The following DPYSL2 variants were observed in gnomAD, a reference collection of about 807,000 sequenced individuals.
DPYSL2 encodes the protein dihydropyrimidinase like 2, also known as dihydropyrimidinase-related protein 2.
A neutral mutation model predicts 69.9 loss-of-function variants in DPYSL2; 13 were observed. The ratio of observed to expected loss-of-function variants is 0.19; its 90% CI spans 0.12 to 0.30. DPYSL2 has a LOEUF of 0.30. Among genes scored for constraint, DPYSL2 ranks in the 10% least tolerant of loss-of-function variants. The probability of loss-of-function intolerance (pLI) is 1.00; values close to 1 mark genes in which losing one functional copy is unlikely to be tolerated. For missense variants in DPYSL2, 587 were observed against 918.9 expected, an observed-to-expected ratio of 0.64 and a Z score of 4.67; for synonymous variants, 326 against 359.1, an observed-to-expected ratio of 0.91 and a Z score of 1.04.
Position 26,514,795 on chromosome 8 carries a change from T to G in DPYSL2, c.354+116T>G. The G allele has an allele frequency of 1.1e-6, 1 of 941,256 alleles. No individual in the cohort carries two copies. Among genetic ancestry groups the G allele is most frequent in the Non-Finnish European group, 1.5e-6 (1 of 686,760 alleles). The allele number at this position is 941,256 out of a possible 1,614,324, so 58.3% of individuals were successfully genotyped here. ...CCCGCCCTGGACCTCGCCTCCCGCA[T>G]CTGCACGCGCACCCCGCCCTACCCG... On this transcript the variant is annotated intron_variant, in intron 1 of 13. Transcript: ENST00000521913. This position sits in a 1 kb window ranked among gnomAD's most constrained non-coding sequence, Gnocchi z 8.4.
intron 1 of DPYSL2, among the ~76,000 whole-genome samples, chr8:26,568,907 CCAGGCA>C (rs1283348527): frequency 6.6e-6 from 1 of 151,204 alleles, no homozygotes; most frequent in Non-Finnish European, 1.5e-5. Flanking sequence ...GATTGGACCT[CCAGGCA>C]CAGCTGAGCT....
intron 1 of DPYSL2, among the ~76,000 whole-genome samples, chr8:26,553,490 G>A (rs997712864): frequency 6.6e-6 from 1 of 152,082 alleles, no homozygotes; most frequent in Admixed American, 6.6e-5. Flanking sequence ...TTGGTTTTCT[G>A]TTCCTCTGTT....
At position 26,627,547 on chromosome 8, in the gene DPYSL2, G is replaced by A. The variant is rs73678824; in HGVS notation, c.936+252G>A. Among the ~76,000 whole-genome samples, 19,268 of 152,174 alleles carry A rather than the reference G, an allele frequency of 0.13. 2,024 individuals carry two copies. The highest frequency in any genetic ancestry group is 0.28 in the African/African-American group (11,814 of 41,494). ...AGGCCATTTCTCTCGGTGCTGTAAC[G>A]CAGCTGCCTTGGGTGGGGTACGGGA... On this transcript the variant is annotated intron_variant, in intron 6 of 13. Coordinates refer to ENST00000521913, the MANE Select transcript of DPYSL2 (RefSeq NM_001197293.3). The surrounding 1 kb of genome is among the most constrained non-coding windows in gnomAD (Gnocchi z 6.9).
At position 26,647,892 on chromosome 8, in the gene DPYSL2, C is replaced by A; in HGVS notation, c.1596+92C>A. ...AGAGCCCCAGGGTTTCTAAAAAGAACTTGCTGTGATGGGAATGCGCTCGAC... is the reference window on the plus strand; with the variant it reads ...AGAGCCCCAGGGTTTCTAAAAAGAAATTGCTGTGATGGGAATGCGCTCGAC... On this transcript the variant is annotated intron_variant, in intron 11 of 13. Coordinates refer to ENST00000521913, the MANE Select transcript of DPYSL2 (RefSeq NM_001197293.3). This position sits in a 1 kb window ranked among gnomAD's most constrained non-coding sequence, Gnocchi z 5.1. The A allele has an allele frequency of 6.9e-7, 1 of 1,455,326 alleles. No individual in the cohort carries two copies. The highest frequency in any genetic ancestry group is 9.2e-7 in the Non-Finnish European group (1 of 1,088,556). 90.2% of individuals were successfully genotyped at this position (1,455,326 alleles called of 1,614,324 possible). A position where few individuals can be genotyped will look rare whatever the true frequency, so the allele number is the denominator to read the frequency against.
Position 26,627,995 on chromosome 8 carries a change from A to G in DPYSL2, c.1005+55A>G. 1 of 1,556,900 alleles carries G rather than the reference A, an allele frequency of 6.4e-7. No individual in the cohort carries two copies. Among genetic ancestry groups the G allele is most frequent in the Non-Finnish European group, 8.8e-7 (1 of 1,140,942 alleles). On this transcript the variant is annotated intron_variant, in intron 7 of 13. Coordinates refer to ENST00000521913, the MANE Select transcript of DPYSL2 (RefSeq NM_001197293.3). The surrounding 1 kb of genome is among the most constrained non-coding windows in gnomAD (Gnocchi z 6.9). ...TCAGTGTCCCTTGGGCACTGTGCAG[A>G]GCCTCAGGGAACCTGCTTCCTGCCT...
Position 26,624,772 on chromosome 8 carries a change from G to C in DPYSL2, c.793+465G>C, listed in dbSNP as rs1450431258. ...GAGGGCTATGAGACACTTCAAAACTGAGTGACAACCTGAGAGGGCTTTTCC... is the reference window on the plus strand; with the variant it reads ...GAGGGCTATGAGACACTTCAAAACTCAGTGACAACCTGAGAGGGCTTTTCC... On this transcript the variant is annotated intron_variant, in intron 4 of 13. Coordinates refer to ENST00000521913, the MANE Select transcript of DPYSL2 (RefSeq NM_001197293.3). This position sits in a 1 kb window ranked among gnomAD's most constrained non-coding sequence, Gnocchi z 4.7. 6.6e-6 allele frequency among the ~76,000 whole-genome samples: 1 copy of C among 152,194 alleles called. No individual in the cohort carries two copies. Among genetic ancestry groups the C allele is most frequent in the East Asian group, 1.9e-4 (1 of 5,198 alleles).
chr8:26,553,041 A>T (rs1346335787), intron 1 of DPYSL2, among the ~76,000 whole-genome samples: 1 of 152,190 alleles, frequency 6.6e-6, no homozygotes, highest in South Asian at 2.1e-4. Flanking sequence ...ATGTCCACAA[A>T]TTTGATAATG....
intron 1 of DPYSL2, among the ~76,000 whole-genome samples, chr8:26,569,756 C>G (rs1801209512): frequency 1.3e-5 from 2 of 152,104 alleles, no homozygotes; most frequent in African/African-American, 4.8e-5. Flanking sequence ...TCATGGAGGG[C>G]CTCCCTGAAG....
At chr8:26,548,829 G>C (rs896865095) in intron 1 of DPYSL2, among the ~76,000 whole-genome samples, 7 of 151,938 alleles carry the variant, frequency 4.6e-5, no homozygotes, top group Non-Finnish European at 1.0e-4. Flanking sequence ...AGTGAGCTGT[G>C]ATTGCGCCAC....
At position 26,551,270 on chromosome 8, in the gene DPYSL2, A is replaced by G. The variant is rs536845628; in HGVS notation, c.355-30699A>G. Among the ~76,000 whole-genome samples, 10 of 152,342 alleles carry G rather than the reference A, an allele frequency of 6.6e-5. No individual in the cohort carries two copies. The South Asian group carries it at 2.1e-3, about 32-fold the overall frequency. On this transcript the variant is annotated intron_variant, in intron 1 of 13. Coordinates refer to ENST00000521913, the MANE Select transcript of DPYSL2 (RefSeq NM_001197293.3). Reference sequence around the variant, plus strand: ...ACACCATGCTAACAGAAATCAAAGGAAAGTTAGAATAGGTATATTAATTTA... The same window carrying G: ...ACACCATGCTAACAGAAATCAAAGGGAAGTTAGAATAGGTATATTAATTTA...
In DPYSL2 at chr8:26,650,701, A is replaced by G. The variant is rs1317814775; in HGVS notation, c.1597-1556A>G. Among the ~76,000 whole-genome samples the G allele has an allele frequency of 6.6e-6, 1 of 152,214 alleles. No homozygotes were observed. Among genetic ancestry groups the G allele is most frequent in the African/African-American group, 2.4e-5 (1 of 41,466 alleles). ...CACCAAGGGCCAGCGTGTGCTTATT[A>G]TGGCATCTCTGGGGAGACCATCTGC... On this transcript the variant is annotated intron_variant, in intron 11 of 13. Transcript: ENST00000521913. This position sits in a 1 kb window ranked among gnomAD's most constrained non-coding sequence, Gnocchi z 5.3.
chr8:26,602,862 T>C (rs1021436784), intron 3 of DPYSL2, among the ~76,000 whole-genome samples: 2 of 152,228 alleles, frequency 1.3e-5, no homozygotes, highest in African/African-American at 4.8e-5. Flanking sequence ...AAGAGAAATC[T>C]TTAAAATCTG....
In DPYSL2 at chr8:26,598,206, C is replaced by G. The variant is rs1801908791; in HGVS notation, c.628+14223C>G. Among the ~76,000 whole-genome samples, 2 of 152,222 alleles carry G rather than the reference C, an allele frequency of 1.3e-5. No individual in the cohort carries two copies. The highest frequency in any genetic ancestry group is 2.9e-5 in the Non-Finnish European group (2 of 68,046). ...AGCTTTTTATATTGACCCGTGGCTA[C>G]TGTGGTATTCGAAGGGCTAAATTTG... On this transcript the variant is annotated intron_variant, in intron 3 of 13. Coordinates refer to ENST00000521913, the MANE Select transcript of DPYSL2 (RefSeq NM_001197293.3). The surrounding 1 kb of genome is among the most constrained non-coding windows in gnomAD (Gnocchi z 4.2).
Position 26,650,809 on chromosome 8 carries a change from A to T in DPYSL2, c.1597-1448A>T, listed in dbSNP as rs1179281001. ...AGAGGGAAAAATGTCTCCCCCAAGA[A>T]TTGGAACTGGAAGTGGGTGCTTGTC... On this transcript the variant is annotated intron_variant, in intron 11 of 13. Coordinates refer to ENST00000521913, the MANE Select transcript of DPYSL2 (RefSeq NM_001197293.3). This position sits in a 1 kb window ranked among gnomAD's most constrained non-coding sequence, Gnocchi z 5.3. Among the ~76,000 whole-genome samples the T allele has an allele frequency of 1.3e-5, 2 of 152,200 alleles. No individual in the cohort carries two copies. Among genetic ancestry groups the T allele is most frequent in the African/African-American group, 4.8e-5 (2 of 41,454 alleles).
intron 7 of DPYSL2, among the ~76,000 whole-genome samples, chr8:26,633,740 T>C (rs1802835430): frequency 6.6e-6 from 1 of 152,014 alleles, no homozygotes; most frequent in African/African-American, 2.4e-5. Context: ...CCTCCCAAAG[T>C]GCTGGGATTA....
At position 26,653,779 on chromosome 8, in the gene DPYSL2, C is replaced by T. The variant is rs1057509655; in HGVS notation, c.1942+382C>T. Among the ~76,000 whole-genome samples, 3 of 152,110 alleles carry T rather than the reference C, an allele frequency of 2.0e-5. No homozygotes were observed. Among genetic ancestry groups the T allele is most frequent in the African/African-American group, 7.2e-5 (3 of 41,418 alleles). On this transcript the variant is annotated intron_variant, in intron 13 of 13. Coordinates refer to ENST00000521913, the MANE Select transcript of DPYSL2 (RefSeq NM_001197293.3). This position sits in a 1 kb window ranked among gnomAD's most constrained non-coding sequence, Gnocchi z 5.7. Reference sequence around the variant, plus strand: ...CACCATGTTGGCCAGGCTGATAGAACTCCTGACTTCAGGTGATCTGCCCGC... The same window carrying T: ...CACCATGTTGGCCAGGCTGATAGAATTCCTGACTTCAGGTGATCTGCCCGC...
chr8:26,616,892 G>A (rs952067801), intron 3 of DPYSL2, among the ~76,000 whole-genome samples: 4 of 152,124 alleles, frequency 2.6e-5, no homozygotes, highest in African/African-American at 9.7e-5. Flanking sequence ...TTCCACGTGT[G>A]TAATCCCAAG....
intron 3 of DPYSL2, among the ~76,000 whole-genome samples, chr8:26,623,235 A>G (rs975667556): frequency 1.3e-5 from 2 of 152,210 alleles, no homozygotes; most frequent in Non-Finnish European, 2.9e-5. Context: ...GAGGTGGTCC[A>G]GGGTCATGTT....
chr8:26,613,927 T>A (rs1802291334), intron 3 of DPYSL2, among the ~76,000 whole-genome samples: 1 of 151,570 alleles, frequency 6.6e-6, no homozygotes, highest in South Asian at 2.1e-4. Flanking sequence ...AGCCCAGGAG[T>A]TTGAGACCTG....
Sources: allele counts gnomAD v4.1 joint callset (sites outside exome capture counted in the v4.1 genomes callset), GRCh38; gene constraint gnomAD v4.1.1; non-coding constraint Gnocchi (gnomAD v3.1); transcripts MANE v1.5; gene names NCBI Gene and HGNC (gene_info 2026-07-23, HGNC 2026-07-21).